CFAP20DC: variants seen among roughly 807,000 people sequenced by gnomAD.
The protein encoded by CFAP20DC is protein CFAP20DC.
In CFAP20DC, 84 loss-of-function variants were observed where a neutral mutation model predicts 101.7. That is an observed-to-expected ratio of 0.83 (90% CI 0.69 to 0.99). The LOEUF is 0.99. Ranked by LOEUF, CFAP20DC falls within the 50% of genes least tolerant of loss-of-function variation. The pLI is 0.00. For synonymous variants in CFAP20DC, 359 were observed against 351.2 expected, an observed-to-expected ratio of 1.02 and a Z score of -0.25; for missense variants, 1,007 against 970.3, an observed-to-expected ratio of 1.04 and a Z score of -0.50.
At chr3:58,814,125 G>A (rs1446659487) in intron 14 of CFAP20DC, among the ~76,000 whole-genome samples, 2 of 151,738 alleles carry the variant, frequency 1.3e-5, no homozygotes, top group South Asian at 2.1e-4. Flanking sequence ...ATTTTTAGAG[G>A]CATTTCCATG....
At chr3:59,025,802 C>T (rs1015534903) in intron 4 of CFAP20DC, among the ~76,000 whole-genome samples, 1 of 152,070 alleles carries the variant, frequency 6.6e-6, no homozygotes, top group Admixed American at 6.6e-5. Context: ...GTTTTACATA[C>T]TAAAAACACT....
At chr3:59,036,204 C>T (rs1364012772) in intron 4 of CFAP20DC, among the ~76,000 whole-genome samples, 1 of 152,112 alleles carries the variant, frequency 6.6e-6, no homozygotes, top group East Asian at 1.9e-4. Flanking sequence ...ACTGAATGGT[C>T]AAAAGCTGGA....
At position 59,037,822 on chromosome 3, in the gene CFAP20DC, C is replaced by T. The variant is rs112056793; in HGVS notation, c.278+1735G>A. Among the ~76,000 whole-genome samples the T allele has an allele frequency of 4.6e-5, 7 of 152,276 alleles. No homozygotes were observed. In the South Asian group the frequency reaches 6.2e-4, roughly 14 times the overall value. On this transcript the variant is annotated intron_variant, in intron 4 of 16. Transcript: ENST00000482387. Reference sequence around the variant, plus strand: ...AATCATTCCACTATAAAGACACATGCACACGTATGTTTATTACGGCACTGT... The same window carrying T: ...AATCATTCCACTATAAAGACACATGTACACGTATGTTTATTACGGCACTGT...
At chr3:58,967,353 C>T (rs59287871) in intron 4 of CFAP20DC, among the ~76,000 whole-genome samples, 8,915 of 152,182 alleles carry the variant, frequency 0.059, 554 homozygotes, top group East Asian at 0.37. Flanking sequence ...ACATCATATA[C>T]ACAAATTAAC....
chr3:59,040,879 C>G (rs1264183985), intron 3 of CFAP20DC, among the ~76,000 whole-genome samples: 1 of 151,922 alleles, frequency 6.6e-6, no homozygotes, highest in Non-Finnish European at 1.5e-5. Context: ...TAAGCTTCTG[C>G]TTAGTACTCT....
intron 13 of CFAP20DC, among the ~76,000 whole-genome samples, chr3:58,842,317 G>A (rs1392760345): frequency 8.6e-5 from 13 of 151,912 alleles, no homozygotes; most frequent in Admixed American, 7.9e-4. Context: ...CGCACCGTGC[G>A]CGAGCTGAAG....
intron 4 of CFAP20DC, among the ~76,000 whole-genome samples, chr3:58,959,040 T>C (rs1275003937): frequency 6.6e-6 from 1 of 152,192 alleles, no homozygotes; most frequent in Admixed American, 6.5e-5. Flanking sequence ...CCCAGGGTCA[T>C]AAATATTTCC....
rs893801333 is a variant in CFAP20DC, at chr3:58,913,957, A to G, written c.394-93T>C. ...ATGTAGACATTCAAAGAGTTGAGGC[A>G]GTTATCCTGATCAACAAGCCCCAAA... On this transcript the variant is annotated intron_variant, in intron 5 of 16. Transcript: ENST00000482387. The surrounding 1 kb of genome is among the most constrained non-coding windows in gnomAD (Gnocchi z 4.4). 1.5e-6 allele frequency: 2 copies of G among 1,332,926 alleles called. No homozygotes were observed. Among genetic ancestry groups the G allele is most frequent in the African/African-American group, 2.9e-5 (2 of 68,432 alleles). The allele number at this position is 1,332,926 out of a possible 1,614,324, so 82.6% of individuals were successfully genotyped here.
intron 13 of CFAP20DC, among the ~76,000 whole-genome samples, chr3:58,837,304 A>G (rs1404503188): frequency 3.3e-5 from 5 of 152,216 alleles, no homozygotes; most frequent in Admixed American, 2.0e-4. Flanking sequence ...GAATGGATAC[A>G]TAAAGGATGA....
intron 6 of CFAP20DC, among the ~76,000 whole-genome samples, 182 bp from the exon 7 acceptor site, chr3:58,884,891 C>G (rs2081495658): frequency 6.6e-6 from 1 of 152,104 alleles, no homozygotes; most frequent in Admixed American, 6.5e-5. Context: ...CTGCTTACTT[C>G]CTAGGGTAGA....
intron 15 of CFAP20DC, among the ~76,000 whole-genome samples, chr3:58,762,111 G>GCT (rs1559554277): frequency 3.3e-5 from 5 of 151,846 alleles, no homozygotes; most frequent in Non-Finnish European, 7.4e-5. Context: ...TCTGTCTCAT[G>GCT]GATCTGTCTA....
At position 58,931,518 on chromosome 3, in the gene CFAP20DC, A is replaced by AC. The variant is rs562649423; in HGVS notation, c.393+6129dup. Among the ~76,000 whole-genome samples the AC allele has an allele frequency of 2.7e-3, 415 of 151,800 alleles. 1 individual carries two copies. Among genetic ancestry groups the AC allele is most frequent in the Admixed American group, 4.4e-3 (67 of 15,254 alleles). On this transcript the variant is annotated intron_variant, in intron 5 of 16. Coordinates refer to ENST00000482387, the MANE Select transcript of CFAP20DC (RefSeq NM_001394063.1). ...CCCCTGAGCAGCCTAACTGGGAGGC[A>AC]CCCCCCAGTAGGGGCAGACTGACAC... is the stretch of plus-strand genomic sequence containing the variant.
rs558108546 is a variant in CFAP20DC, at chr3:58,822,278, T to C, written c.2175+9408A>G. Among the ~76,000 whole-genome samples, 4 of 146,000 alleles carry C rather than the reference T, an allele frequency of 2.7e-5. No homozygotes were observed. The South Asian group carries it at 8.9e-4, about 33-fold the overall frequency. On this transcript the variant is annotated intron_variant, in intron 14 of 16. Transcript: ENST00000482387. Reference sequence around the variant, plus strand: ...ACCTGCACAATGTGCACATGTACCGTAAAACTTAAAGTATAATAAAAAAAA... The same window carrying C: ...ACCTGCACAATGTGCACATGTACCGCAAAACTTAAAGTATAATAAAAAAAA...
intron 4 of CFAP20DC, among the ~76,000 whole-genome samples, chr3:58,999,250 A>AGT (rs1441218563): frequency 6.6e-6 from 1 of 152,262 alleles, no homozygotes; most frequent in African/African-American, 2.4e-5. Context: ...ATTAGAAGCC[A>AGT]GTGATGTCTG....
chr3:58,748,779 A>G (rs1384012217), intron 16 of CFAP20DC, among the ~76,000 whole-genome samples: 1 of 152,210 alleles, frequency 6.6e-6, no homozygotes, highest in Non-Finnish European at 1.5e-5. Flanking sequence ...TGTGGTTCTT[A>G]TCCACCTAAA....
At chr3:58,837,955 G>T (rs1191814653) in intron 13 of CFAP20DC, among the ~76,000 whole-genome samples, 1 of 152,084 alleles carries the variant, frequency 6.6e-6, no homozygotes, top group Non-Finnish European at 1.5e-5. Flanking sequence ...GTGTTCCAGG[G>T]CACCTCTTTA....
chr3:58,985,017 C>T (rs1269094929), intron 4 of CFAP20DC, among the ~76,000 whole-genome samples: 1 of 152,144 alleles, frequency 6.6e-6, no homozygotes, highest in Non-Finnish European at 1.5e-5. Flanking sequence ...CCTCCTGCCT[C>T]AGCCTCCTGA....
intron 4 of CFAP20DC, among the ~76,000 whole-genome samples, chr3:59,028,745 C>T (rs191250091): frequency 6.6e-6 from 1 of 152,152 alleles, no homozygotes; most frequent in African/African-American, 2.4e-5. Context: ...TGCCTACTAT[C>T]CAGGCTAATT....
At chr3:58,761,736 G>C (rs935775379) in intron 15 of CFAP20DC, among the ~76,000 whole-genome samples, 6 of 152,278 alleles carry the variant, frequency 3.9e-5, no homozygotes, top group Middle Eastern at 3.4e-3. Flanking sequence ...GGTATGTTGT[G>C]TCTTTGTTCT....
Sources: gnomAD v4.1 joint callset for allele counts (sites outside exome capture counted in the v4.1 genomes callset) on GRCh38, gnomAD v4.1.1 for gene constraint, Gnocchi (gnomAD v3.1) non-coding constraint, MANE v1.5 for transcripts, NCBI Gene and HGNC (gene_info 2026-07-23, HGNC 2026-07-21) for gene names.